Variants in ARHGAP19 observed in about 807,000 individuals in gnomAD.
ARHGAP19 encodes the protein Rho GTPase activating protein 19.
A neutral mutation model predicts 60.9 loss-of-function variants in ARHGAP19; 48 were observed. The ratio of observed to expected loss-of-function variants is 0.79; its 90% CI spans 0.62 to 1.00. ARHGAP19 has a LOEUF of 1.00. ARHGAP19 is among the 50% of genes least tolerant of loss of function. ARHGAP19 has a pLI of 0.00. For missense variants in ARHGAP19, 562 were observed against 597.2 expected, an observed-to-expected ratio of 0.94 and a Z score of 0.61; for synonymous variants, 209 against 215.5, an observed-to-expected ratio of 0.97 and a Z score of 0.27.
intron 11 of ARHGAP19, among the ~76,000 whole-genome samples, chr10:97,228,506 G>A (rs1400186273): frequency 6.6e-6 from 1 of 152,170 alleles, no homozygotes; most frequent in Non-Finnish European, 1.5e-5. Context: ...CATAGAGAAT[G>A]GGTGGTTTTC....
rs752696481 is a variant in ARHGAP19, at chr10:97,264,835, G to A, written c.394C>T (p.Leu132=). 2.1e-5 allele frequency: 34 copies of A among 1,609,772 alleles called. No individual in the cohort carries two copies. In the South Asian group the frequency reaches 3.4e-4, roughly 16 times the overall value. ...IAQIYQLIEY[L]HKNLRVEGLF... is the part of the protein sequence containing the mutation. ...TTTCAAGTAGTCTTACTTTTGTGTAGATACTCAATCAGTTGGTATATCTGG... is the reference window on the plus strand; with the variant it reads ...TTTCAAGTAGTCTTACTTTTGTGTAAATACTCAATCAGTTGGTATATCTGG... The change falls in exon 3 of 12, where the codon CTA becomes TTA. Residue 132 remains leucine (L), a synonymous_variant. Coordinates refer to ENST00000358531, the MANE Select transcript of ARHGAP19 (RefSeq NM_032900.6).
intron 1 of ARHGAP19, among the ~76,000 whole-genome samples, chr10:97,278,431 T>C (rs1001905496): frequency 1.3e-5 from 2 of 152,312 alleles, no homozygotes; most frequent in East Asian, 3.9e-4. Context: ...GTGCAGACAA[T>C]GTCAGGACTC....
intron 1 of ARHGAP19, among the ~76,000 whole-genome samples, chr10:97,286,988 C>T (rs959089682): frequency 6.6e-6 from 1 of 152,136 alleles, no homozygotes; most frequent in Admixed American, 6.6e-5. Context: ...CACTCTATCA[C>T]CCAGGCTAGA....
chr10:97,236,803 G>GA (rs71007323), intron 8 of ARHGAP19, among the ~76,000 whole-genome samples: 19,689 of 79,964 alleles, frequency 0.25, 2,405 homozygotes, highest in Non-Finnish European at 0.3. Flanking sequence ...AACAGACTCA[G>GA]AAAAAAAAAA....
Sources: allele counts gnomAD v4.1 joint callset (sites outside exome capture counted in the v4.1 genomes callset), GRCh38; gene constraint gnomAD v4.1.1; transcripts MANE v1.5; gene names NCBI Gene and HGNC (gene_info 2026-07-23, HGNC 2026-07-21).